The following IL1RAPL1 variants were observed in gnomAD, a reference collection of about 807,000 sequenced individuals.
IL1RAPL1 encodes the protein interleukin-1 receptor accessory protein-like 1.
Under a neutral mutation model 48.4 loss-of-function variants are expected in IL1RAPL1, and 3 were observed. The observed-to-expected ratio is 0.06, with a 90% CI of 0.03 to 0.16. The LOEUF (loss-of-function observed/expected upper bound fraction) is 0.16, where lower values mean the gene tolerates loss of function less well. IL1RAPL1 is among the 10% of genes least tolerant of loss of function. The pLI is 1.00. For synonymous variants in IL1RAPL1, 185 were observed against 187.7 expected, an observed-to-expected ratio of 0.99 and a Z score of 0.12; for missense variants, 349 against 530.6, an observed-to-expected ratio of 0.66 and a Z score of 3.36.
intron 6 of IL1RAPL1, among the ~76,000 whole-genome samples, chrX:29,738,265 C>T (rs1055670011): frequency 9.1e-6 from 1 of 110,455 alleles, no homozygotes; most frequent in Non-Finnish European, 1.9e-5. Flanking sequence ...GTGACCTACC[C>T]ATAGCAGTGG....
At chrX:29,174,409 G>A (rs1346045224) in intron 2 of IL1RAPL1, among the ~76,000 whole-genome samples, 1 of 112,026 alleles carries the variant, frequency 8.9e-6, no homozygotes, top group Non-Finnish European at 1.9e-5. Flanking sequence ...AGCCATAAAG[G>A]AAAATATATC....
chrX:29,775,957 C>T (rs981687423), intron 6 of IL1RAPL1, among the ~76,000 whole-genome samples: 1 of 111,146 alleles, frequency 9.0e-6, no homozygotes, highest in Non-Finnish European at 1.9e-5. Flanking sequence ...TACCTTTACT[C>T]TAATAACATC....
chrX:29,762,702 G>T (rs1928783368), intron 6 of IL1RAPL1, among the ~76,000 whole-genome samples: 1 of 112,173 alleles, frequency 8.9e-6, no homozygotes, highest in Middle Eastern at 4.6e-3. Context: ...GCTAAGAAAT[G>T]GAACCATTTA....
intron 6 of IL1RAPL1, among the ~76,000 whole-genome samples, chrX:29,760,989 G>A (rs1415280289): frequency 9.0e-6 from 1 of 111,275 alleles, no homozygotes; most frequent in Non-Finnish European, 1.9e-5. Flanking sequence ...CTGATAGTAC[G>A]TGGATTTCTT....
At chrX:28,839,842 A>G (rs1192742038) in intron 2 of IL1RAPL1, among the ~76,000 whole-genome samples, 1 of 110,544 alleles carries the variant, frequency 9.0e-6, no homozygotes, top group Non-Finnish European at 1.9e-5. Flanking sequence ...TTCATTAGGA[A>G]AATATAAGGA....
chrX:28,969,014 T>A (rs1351486119), intron 2 of IL1RAPL1, among the ~76,000 whole-genome samples: 1 of 112,511 alleles, frequency 8.9e-6, no homozygotes, highest in Non-Finnish European at 1.9e-5. Flanking sequence ...AAGCTGTCTA[T>A]CTTATCATTC....
intron 1 of IL1RAPL1, among the ~76,000 whole-genome samples, chrX:28,632,036 T>C (rs1372502532): frequency 1.8e-5 from 2 of 112,266 alleles, no homozygotes; most frequent in African/African-American, 6.5e-5. Flanking sequence ...TATAGAAAAA[T>C]GCCAGGCATA....
chrX:29,267,067 C>T lies in IL1RAPL1; in HGVS notation c.83-15871C>T, dbSNP rs191845691. The stretch of plus-strand genomic sequence containing the variant: ...ACCTTTCCAACCTCTTCCTCAATCA[C>T]TACCTACCCTAGGACCACAAACTCT... On this transcript the variant is annotated intron_variant, in intron 2 of 10. Transcript: ENST00000378993. Among the ~76,000 whole-genome samples, 45 of 111,896 alleles carry T rather than the reference C, an allele frequency of 4.0e-4. 1 individual carries two copies. The highest frequency in any genetic ancestry group is 7.9e-4 in the Non-Finnish European group (42 of 53,116).
At position 29,830,294 on chromosome X, in the gene IL1RAPL1, G is replaced by C. The variant is rs1930842412; in HGVS notation, c.779-87170G>C. Among the ~76,000 whole-genome samples, 2 of 111,486 alleles carry C rather than the reference G, an allele frequency of 1.8e-5. 1 individual carries two copies. Among genetic ancestry groups the C allele is most frequent in the Admixed American group, 1.9e-4 (2 of 10,508 alleles). ...TCACTGAGTCATCATGAATCTCATT[G>C]GGTGAGCAATTCTATTGAGGGAGCA... On this transcript the variant is annotated intron_variant, in intron 6 of 10. Coordinates refer to ENST00000378993, the MANE Select transcript of IL1RAPL1 (RefSeq NM_014271.4).
chrX:29,337,831 C>A (rs189777656), intron 3 of IL1RAPL1, among the ~76,000 whole-genome samples: 1 of 109,924 alleles, frequency 9.1e-6, no homozygotes, highest in African/African-American at 3.3e-5. Flanking sequence ...CCCGTCACCA[C>A]GCCCGGCTAA....
At chrX:29,021,334 AT>A (rs200066730) in intron 2 of IL1RAPL1, among the ~76,000 whole-genome samples, 2,302 of 109,061 alleles carry the variant, frequency 0.021, 38 homozygotes, top group Non-Finnish European at 0.034. Context: ...TTCATGTGTC[AT>A]TTTTTAGTAG....
At chrX:29,885,544 C>T (rs777384852) in intron 6 of IL1RAPL1, among the ~76,000 whole-genome samples, 48 of 111,858 alleles carry the variant, frequency 4.3e-4, no homozygotes, top group Non-Finnish European at 7.3e-4. Context: ...GGCATGGTGG[C>T]TCATGCCTGT....
intron 2 of IL1RAPL1, among the ~76,000 whole-genome samples, chrX:28,940,115 GATAA>G (rs941883437): frequency 6.1e-4 from 68 of 111,363 alleles, no homozygotes; most frequent in African/African-American, 2.1e-3. Flanking sequence ...AACAGAAAAA[GATAA>G]ATAAGCTATC....
At chrX:29,618,217 G>A (rs924307300) in intron 5 of IL1RAPL1, among the ~76,000 whole-genome samples, 1 of 111,910 alleles carries the variant, frequency 8.9e-6, no homozygotes, top group Non-Finnish European at 1.9e-5. Flanking sequence ...ATACAAAATT[G>A]CTCATTAGCC....
At chrX:29,298,374 C>G (rs1873627139) in intron 3 of IL1RAPL1, among the ~76,000 whole-genome samples, 1 of 111,878 alleles carries the variant, frequency 8.9e-6, no homozygotes, top group South Asian at 3.8e-4. Flanking sequence ...GTCTCTCCCT[C>G]AAAGGCTCAA....
At chrX:29,916,991 C>T (rs890027505) in intron 6 of IL1RAPL1, among the ~76,000 whole-genome samples, 7 of 111,982 alleles carry the variant, frequency 6.3e-5, no homozygotes, top group Admixed American at 1.9e-4. Flanking sequence ...TAGGATCTTG[C>T]GTTTATGGTT....
intron 9 of IL1RAPL1, among the ~76,000 whole-genome samples, chrX:29,944,933 C>G (rs778233904): frequency 1.8e-5 from 2 of 110,277 alleles, no homozygotes; most frequent in African/African-American, 6.6e-5. Flanking sequence ...CTCGGCTACA[C>G]GCATACCCAC....
chrX:29,946,506 AT>A (rs1005172895), intron 9 of IL1RAPL1, among the ~76,000 whole-genome samples: 2 of 112,373 alleles, frequency 1.8e-5, no homozygotes, highest in Non-Finnish European at 3.8e-5. Context: ...AAGATACGCT[AT>A]CCCCCTACCA....
chrX:29,332,408 C>CA (rs1385787129), intron 3 of IL1RAPL1, among the ~76,000 whole-genome samples: 1 of 88,705 alleles, frequency 1.1e-5, no homozygotes, highest in Non-Finnish European at 2.2e-5. Context: ...TTAAAAAGCC[C>CA]AAAACTATAA....
Sources: gnomAD v4.1 joint callset for allele counts (sites outside exome capture counted in the v4.1 genomes callset) on GRCh38, gnomAD v4.1.1 for gene constraint, MANE v1.5 for transcripts, NCBI Gene and HGNC (gene_info 2026-07-23, HGNC 2026-07-21) for gene names.